UBE4B: variants seen among roughly 807,000 people sequenced by gnomAD.
UBE4B encodes ubiquitin conjugation factor E4 B.
UBE4B carries 27 observed loss-of-function variants against 148.1 expected under a neutral mutation model. The ratio of observed to expected loss-of-function variants is 0.18; its 90% CI spans 0.13 to 0.25. The LOEUF is 0.25. UBE4B is among the 10% of genes least tolerant of loss of function. UBE4B has a pLI of 1.00. For synonymous variants in UBE4B, 596 were observed against 619.3 expected (o/e 0.96, Z 0.56); for missense variants, 1,170 against 1,662.4 (o/e 0.70, Z 5.15).
chr1:10,057,692 T>C (rs1644200915), intron 1 of UBE4B, among the ~76,000 whole-genome samples: 1 of 148,488 alleles, frequency 6.7e-6, no homozygotes, highest in Non-Finnish European at 1.5e-5. Context: ...ATCGTGTTAC[T>C]GTACTCCAAC....
At chr1:10,065,477 G>A (rs1260428789) in intron 1 of UBE4B, among the ~76,000 whole-genome samples, 1 of 152,192 alleles carries the variant, frequency 6.6e-6, no homozygotes, top group Non-Finnish European at 1.5e-5. Context: ...TCTGGGGAAG[G>A]TTCTATTTCC....
rs549182570 is a variant in UBE4B at position 10,153,263 on chromosome 1, T to C, written c.2926+1702T>C. Among the ~76,000 whole-genome samples the C allele has an allele frequency of 6.6e-5, 10 of 151,820 alleles. No homozygotes were observed. In the East Asian group the frequency reaches 1.7e-3, roughly 26 times the overall value. ...ACTCCAGCTAATAATCCTAGCACTTTAGGAGGCCAAGGTGGGAGGATTGTT... is the reference window on the plus strand; with the variant it reads ...ACTCCAGCTAATAATCCTAGCACTTCAGGAGGCCAAGGTGGGAGGATTGTT... On this transcript the variant is annotated intron_variant, in intron 21 of 27. Transcript: ENST00000343090.
intron 1 of UBE4B, among the ~76,000 whole-genome samples, chr1:10,053,307 C>T (rs1231080707): frequency 6.6e-6 from 1 of 151,764 alleles, no homozygotes; most frequent in Non-Finnish European, 1.5e-5. Context: ...CACCACCATG[C>T]CCGGCTAATT....
chr1:10,169,423 CTT>C, intron 24 of UBE4B, among the ~76,000 whole-genome samples: 1 of 152,332 alleles, frequency 6.6e-6, no homozygotes, highest in Admixed American at 6.5e-5. Context: ...GGGGACAACT[CTT>C]TTCCACTCTT....
chr1:10,084,476 A>G (rs1363556622), intron 2 of UBE4B, among the ~76,000 whole-genome samples: 2 of 152,024 alleles, frequency 1.3e-5, no homozygotes, highest in African/African-American at 4.8e-5. Flanking sequence ...TAACCAGTAG[A>G]GATCGTGCCA....
At chr1:10,129,726 C>T (rs1219237094) in intron 12 of UBE4B, among the ~76,000 whole-genome samples, 2 of 151,962 alleles carry the variant, frequency 1.3e-5, no homozygotes, top group African/African-American at 4.8e-5. Context: ...TCTTGGCACA[C>T]TGCAGCCTAC....
chr1:10,151,095 G>A (rs1276932416), intron 20 of UBE4B, among the ~76,000 whole-genome samples: 1 of 151,440 alleles, frequency 6.6e-6, no homozygotes, highest in East Asian at 1.9e-4. Context: ...CCTGGGAGGC[G>A]GAGCTTGCAG....
chr1:10,098,246 A>G (rs1202014015), intron 3 of UBE4B, among the ~76,000 whole-genome samples: 1 of 152,228 alleles, frequency 6.6e-6, no homozygotes, highest in African/African-American at 2.4e-5. Flanking sequence ...GAATGCAAGG[A>G]TGCATTGATA....
intron 2 of UBE4B, among the ~76,000 whole-genome samples, chr1:10,075,849 C>T (rs144789395): frequency 1.3e-5 from 2 of 152,178 alleles, no homozygotes; most frequent in Admixed American, 6.5e-5. Flanking sequence ...CCTAGGAGTT[C>T]GAGACCAGCC....
intron 2 of UBE4B, among the ~76,000 whole-genome samples, chr1:10,089,972 G>T (rs1644819427): frequency 6.6e-6 from 1 of 152,160 alleles, no homozygotes; most frequent in African/African-American, 2.4e-5. Context: ...TGGGATTACA[G>T]GCATGAGCCA....
intron 23 of UBE4B, among the ~76,000 whole-genome samples, chr1:10,163,091 A>T (rs1253888339): frequency 6.6e-6 from 1 of 151,896 alleles, no homozygotes; most frequent in African/African-American, 2.4e-5. Context: ...CAGAGTGTTG[A>T]TCTGTCGCCT....
chr1:10,110,572 C>T (rs987652932), intron 7 of UBE4B, among the ~76,000 whole-genome samples: 1 of 151,796 alleles, frequency 6.6e-6, no homozygotes, highest in Non-Finnish European at 1.5e-5. Context: ...AAAAAATTAC[C>T]CCATGGTAAA....
At chr1:10,114,790 G>A (rs1645279880) in intron 7 of UBE4B, among the ~76,000 whole-genome samples, 1 of 152,156 alleles carries the variant, frequency 6.6e-6, no homozygotes, top group Non-Finnish European at 1.5e-5. Context: ...CTTGAACCCA[G>A]AAGGCGGAGT....
chr1:10,033,619 T>C lies in UBE4B; in HGVS notation c.-52T>C. On this transcript the variant is annotated 5_prime_UTR_variant, in exon 1 of 28. Coordinates refer to ENST00000343090, the MANE Select transcript of UBE4B (RefSeq NM_001105562.3). ...CACTCTCCTTCCTCCCGCCGTGGTC[T>C]CGAGAACAGAAGGATCTCTCCTTAA... The C allele has an allele frequency of 6.7e-7, 1 of 1,483,820 alleles. No homozygotes were observed. Among genetic ancestry groups the C allele is most frequent in the Non-Finnish European group, 9.0e-7 (1 of 1,113,424 alleles). The allele number at this position is 1,483,820 out of a possible 1,614,324, so 91.9% of individuals were successfully genotyped here.
Position 10,106,764 on chromosome 1 carries a change from AT to A in UBE4B, c.1196+182del, listed in dbSNP as rs1645120033. The stretch of plus-strand genomic sequence containing the variant: ...GAGTCCATGCTTCTGCCAGGCTCTA[AT>A]CATGCTGGAAAGTTTGGGTTGCTCT... On this transcript the variant is annotated intron_variant, in intron 7 of 27. Transcript: ENST00000343090. The surrounding 1 kb of genome is among the most constrained non-coding windows in gnomAD (Gnocchi z 4.2). Among the ~76,000 whole-genome samples, 1 of 152,136 alleles carries A rather than the reference AT, an allele frequency of 6.6e-6. No homozygotes were observed. Among genetic ancestry groups the A allele is most frequent in the Non-Finnish European group, 1.5e-5 (1 of 68,024 alleles).
chr1:10,050,109 T>G (rs568288652), intron 1 of UBE4B, among the ~76,000 whole-genome samples: 1 of 152,238 alleles, frequency 6.6e-6, no homozygotes, highest in South Asian at 2.1e-4. Flanking sequence ...GTCTTGCTCT[T>G]GTCACCCAGG....
At chr1:10,060,199 C>T (rs796511292) in intron 1 of UBE4B, among the ~76,000 whole-genome samples, 6 of 152,196 alleles carry the variant, frequency 3.9e-5, no homozygotes, top group African/African-American at 1.4e-4. Flanking sequence ...CTGAGAAACG[C>T]ATCATTATGT....
Position 10,057,235 on chromosome 1 carries a change from G to A in UBE4B, c.25-14793G>A, listed in dbSNP as rs564527660. Among the ~76,000 whole-genome samples the A allele has an allele frequency of 3.3e-5, 5 of 151,986 alleles. 1 individual carries two copies. The highest frequency in any genetic ancestry group is 4.8e-5 in the African/African-American group (2 of 41,442). On this transcript the variant is annotated intron_variant, in intron 1 of 27. Coordinates refer to ENST00000343090, the MANE Select transcript of UBE4B (RefSeq NM_001105562.3). ...TAGTTCTCACCAGCTGGCAGAATGG[G>A]GTTAGGCGTGTTTAACGTTCTTCAT... is the stretch of plus-strand genomic sequence containing the variant.
intron 2 of UBE4B, among the ~76,000 whole-genome samples, chr1:10,086,334 C>G (rs764145483): frequency 6.6e-6 from 1 of 152,074 alleles, no homozygotes; most frequent in South Asian, 2.1e-4. Flanking sequence ...TGTTGAACTC[C>G]TGACCTCAGG....
Sources: gnomAD v4.1 joint callset for allele counts (sites outside exome capture counted in the v4.1 genomes callset) on GRCh38, gnomAD v4.1.1 for gene constraint, Gnocchi (gnomAD v3.1) non-coding constraint, MANE v1.5 for transcripts, NCBI Gene and HGNC (gene_info 2026-07-23, HGNC 2026-07-21) for gene names.